TNC: variants seen among roughly 807,000 people sequenced by gnomAD.
The protein encoded by TNC is tenascin C, also known as tenascin.
Under a neutral mutation model 202.4 loss-of-function variants are expected in TNC, and 109 were observed. That is an observed-to-expected ratio of 0.54 (90% CI 0.46 to 0.63). The LOEUF (loss-of-function observed/expected upper bound fraction) is 0.63. Ranked by LOEUF, TNC falls within the 30% of genes least tolerant of loss-of-function variation. TNC has a pLI of 0.00. For synonymous variants in TNC, 1,007 were observed against 1,089.7 expected, an observed-to-expected ratio of 0.92 and a Z score of 1.50; for missense variants, 2,756 against 2,833.3, an observed-to-expected ratio of 0.97 and a Z score of 0.62.
At chr9:115,082,308 C>T (rs1387451113) in intron 5 of TNC, among the ~76,000 whole-genome samples, 1 of 152,192 alleles carries the variant, frequency 6.6e-6, no homozygotes, top group East Asian at 1.9e-4. Context: ...ATTCAGAGAA[C>T]AAGTTCCCTG....
At chr9:115,051,849 C>T (rs547233956) in intron 15 of TNC, among the ~76,000 whole-genome samples, 8 of 151,962 alleles carry the variant, frequency 5.3e-5, no homozygotes, top group African/African-American at 1.9e-4. Context: ...AAGCTTTATA[C>T]AACTCTTGAG....
chr9:115,048,678 T>C, intron 15 of TNC, 146 bp from the exon 16 acceptor site: 1 of 803,446 alleles, frequency 1.2e-6, no homozygotes, highest in South Asian at 1.9e-5. Context: ...CAGTAAGAAC[T>C]TATTGGGTGC....
chr9:115,087,294 G>T lies in TNC; in HGVS notation c.458-21C>A, dbSNP rs772069080. The T allele has an allele frequency of 6.2e-6, 10 of 1,606,648 alleles. No homozygotes were observed. In the Admixed American group the frequency reaches 1.3e-4, roughly 21 times the overall value. Reference sequence around the variant, plus strand: ...GCGGCCTGCAACAAAAGAAACAGAAGTTCTCAGCCAGGCTTAAGCAGCCAC... The same window carrying T: ...GCGGCCTGCAACAAAAGAAACAGAATTTCTCAGCCAGGCTTAAGCAGCCAC... On this transcript the variant is annotated intron_variant, in intron 2 of 27. Coordinates refer to ENST00000350763, the MANE Select transcript of TNC (RefSeq NM_002160.4).
chr9:115,078,398 C>T (rs1452468870), intron 6 of TNC, among the ~76,000 whole-genome samples, 186 bp from the exon 7 acceptor site: 1 of 151,760 alleles, frequency 6.6e-6, no homozygotes, highest in Non-Finnish European at 1.5e-5. Flanking sequence ...ACAGCAGCTA[C>T]CTCTAGTGTT....
At chr9:115,107,805 G>C (rs990044946) in intron 1 of TNC, among the ~76,000 whole-genome samples, 1 of 152,198 alleles carries the variant, frequency 6.6e-6, no homozygotes, top group African/African-American at 2.4e-5. Flanking sequence ...CAGCATTCAA[G>C]TGGATGAACT....
At chr9:115,068,793 T>TCTA (rs1833141347) in intron 10 of TNC, among the ~76,000 whole-genome samples, 1 of 152,212 alleles carries the variant, frequency 6.6e-6, no homozygotes, top group African/African-American at 2.4e-5. Context: ...TCATTACTCT[T>TCTA]TCTCCACTTG....
intron 22 of TNC, among the ~76,000 whole-genome samples, chr9:115,033,937 C>T (rs1830131250): frequency 6.6e-6 from 1 of 152,290 alleles, no homozygotes; most frequent in African/African-American, 2.4e-5. Context: ...TCACAGAGTC[C>T]AGCAAGTTCA....
chr9:115,038,866 C>T (rs954576836), intron 19 of TNC, among the ~76,000 whole-genome samples: 2 of 151,844 alleles, frequency 1.3e-5, no homozygotes, highest in East Asian at 1.9e-4. Context: ...GTCACTCTGT[C>T]GCCCATGCTG....
intron 9 of TNC, among the ~76,000 whole-genome samples, chr9:115,075,608 A>C (rs977581573): frequency 8.5e-5 from 13 of 152,164 alleles, no homozygotes; most frequent in African/African-American, 3.1e-4. Flanking sequence ...AACATGGTGA[A>C]ACCCCATTTC....
rs1829848797 is a variant in TNC, at chr9:115,030,302, C to T, written c.6024G>A (p.Glu2008=). The change falls in exon 24 of 28, where the codon GAG becomes GAA. Residue 2008 remains glutamate (E), a synonymous_variant. Transcript: ENST00000350763. ...TCATGTCACAGAAGACTTCCAGCGC[C>T]TCAGCCTTATCACCATTCAGATAAA... is the stretch of plus-strand genomic sequence containing the variant. ...YTIYLNGDKA[E]ALEVFCDMTS... 1.2e-6 allele frequency: 2 copies of T among 1,613,716 alleles called. No homozygotes were observed. Among genetic ancestry groups the T allele is most frequent in the Non-Finnish European group, 1.7e-6 (2 of 1,179,758 alleles).
chr9:115,040,925 A>AC lies in TNC; in HGVS notation c.5392+15_5392+16insG. 1 of 1,606,634 alleles carries AC rather than the reference A, an allele frequency of 6.2e-7. No homozygotes were observed. Among genetic ancestry groups the AC allele is most frequent in the African/African-American group, 1.3e-5 (1 of 74,600 alleles). On this transcript the variant is annotated intron_variant, in intron 19 of 27. Transcript: ENST00000350763. The stretch of plus-strand genomic sequence containing the variant: ...AATAGTAACACACACACACACACAC[A>AC]ACCCCACCAACTCACCTGTGGTGAA...
At chr9:115,117,622 C>T (rs574618404) in intron 1 of TNC, among the ~76,000 whole-genome samples, 1 of 152,330 alleles carries the variant, frequency 6.6e-6, no homozygotes, top group South Asian at 2.1e-4. Flanking sequence ...TGCCTTAAAA[C>T]TCTACTGCCC....
At chr9:115,041,309 C>CAG (rs1830730433) in intron 18 of TNC, among the ~76,000 whole-genome samples, 2 of 132,304 alleles carry the variant, frequency 1.5e-5, no homozygotes. Flanking sequence ...CCAGGAGGGG[C>CAG]GGGGGAAAAC....
At position 115,086,448 on chromosome 9, in the gene TNC, C is replaced by A. The variant is rs1380779529; in HGVS notation, c.1283G>T (p.Gly428Val). 7 of 1,613,946 alleles carry A rather than the reference C, an allele frequency of 4.3e-6. No homozygotes were observed. In the African/African-American group the frequency reaches 5.3e-5, roughly 12 times the overall value. Residue 428 changes from glycine to valine, a missense_variant, in exon 3 of 28, where the codon GGC becomes GTC. By Grantham distance (109) the Gly-to-Val change is moderately radical (BLOSUM62 -3). This residue lies in a region of TNC where 2,559 missense variants were observed against 2,546.0 expected (regional missense o/e 1.01). Transcript: ENST00000350763. ...CTGGCTGCAGTCCTCCCCAGTATAG[C>A]CCTCATCACACACACACTGCCCATT... ...CVNGQCVCDE[G>V]YTGEDCSQLR...
At chr9:115,075,931 A>T in intron 9 of TNC, 101 bp downstream of exon 9, 1 of 1,029,142 alleles carries the variant, frequency 9.7e-7, no homozygotes. Context: ...TTTTTCCTCC[A>T]GGCTTCTACT....
In TNC at chr9:115,041,062, C is replaced by T; in HGVS notation, c.5271G>A (p.Val1757=). The part of the protein sequence containing the change: ...ITGGTPSMVT[V]DGTKTQTRLV... ...GCCTGGTCTGAGTCTTGGTTCCGTC[C>T]ACAGTTACCATGGAGGGTGTACCTG... Residue 1757 remains valine, a synonymous_variant, in exon 19 of 28, where the codon GTG becomes GTA. Coordinates refer to ENST00000350763, the MANE Select transcript of TNC (RefSeq NM_002160.4). The T allele has an allele frequency of 6.2e-7, 1 of 1,613,824 alleles. No individual in the cohort carries two copies. The highest frequency in any genetic ancestry group is 8.5e-7 in the Non-Finnish European group (1 of 1,179,836).
chr9:115,087,759 C>T (rs566611043), intron 2 of TNC, among the ~76,000 whole-genome samples: 10 of 142,720 alleles, frequency 7.0e-5, no homozygotes, highest in East Asian at 2.0e-4. Flanking sequence ...TGGAGTGCAG[C>T]GGCGCCATCT....
At chr9:115,095,638 GTA>G (rs1299567062) in intron 1 of TNC, among the ~76,000 whole-genome samples, 2 of 3,892 alleles carry the variant, frequency 5.1e-4, no homozygotes, top group African/African-American at 2.1e-3. Context: ...GTATATATAT[GTA>G]TATATATATG....
chr9:115,084,155 C>A (rs976966212), intron 4 of TNC, 54 bp downstream of exon 4: 6 of 1,585,972 alleles, frequency 3.8e-6, no homozygotes, highest in Non-Finnish European at 4.3e-6. Flanking sequence ...GAGGGTTATA[C>A]ACTGGGTGGG....
Sources: allele counts gnomAD v4.1 joint callset (sites outside exome capture counted in the v4.1 genomes callset), GRCh38; gene constraint gnomAD v4.1.1; regional missense constraint gnomAD v4.1.1; transcripts MANE v1.5; gene names NCBI Gene and HGNC (gene_info 2026-07-23, HGNC 2026-07-21).